GRIP1: variants seen among roughly 807,000 people sequenced by gnomAD.
The protein encoded by GRIP1 is glutamate receptor interacting protein 1.
Under a neutral mutation model 129.9 loss-of-function variants are expected in GRIP1, and 45 were observed. That is an observed-to-expected ratio of 0.35 (90% CI 0.27 to 0.44). The LOEUF is 0.44. Ranked by LOEUF, GRIP1 falls within the 20% of genes least tolerant of loss-of-function variation. The probability of loss-of-function intolerance (pLI) is 1.00; values close to 1 mark genes in which losing one functional copy is unlikely to be tolerated. For synonymous variants in GRIP1, 530 were observed against 520.8 expected (o/e 1.02, Z -0.24); for missense variants, 1,196 against 1,396.8 (o/e 0.86, Z 2.29).
intron 1 of GRIP1, among the ~76,000 whole-genome samples, chr12:67,000,252 A>C (rs1390272566): frequency 6.6e-6 from 1 of 151,972 alleles, no homozygotes; most frequent in Non-Finnish European, 1.5e-5. Context: ...GTTCAATCTA[A>C]TAGGGCCATA....
chr12:66,948,394 C>T (rs538154772), intron 1 of GRIP1, among the ~76,000 whole-genome samples: 6 of 152,192 alleles, frequency 3.9e-5, no homozygotes, highest in Admixed American at 6.5e-5. Flanking sequence ...GAATTCTTGA[C>T]ATGGAAATTT....
At chr12:66,625,190 T>A (rs1209902709) in intron 1 of GRIP1, among the ~76,000 whole-genome samples, 1 of 152,158 alleles carries the variant, frequency 6.6e-6, no homozygotes, top group Non-Finnish European at 1.5e-5. Flanking sequence ...TGCCATGTTA[T>A]TTAAGTTGCA....
At chr12:66,612,535 G>A (rs960175131) in intron 1 of GRIP1, among the ~76,000 whole-genome samples, 4 of 152,126 alleles carry the variant, frequency 2.6e-5, no homozygotes, top group African/African-American at 4.8e-5. Flanking sequence ...TACTTGGGAA[G>A]CTGTGGTGGG....
At chr12:66,414,404 T>C (rs1214928085) in intron 15 of GRIP1, among the ~76,000 whole-genome samples, 1 of 152,078 alleles carries the variant, frequency 6.6e-6, no homozygotes, top group Non-Finnish European at 1.5e-5. Context: ...GAAGGACCTC[T>C]TCATGGAGAA....
At chr12:66,895,612 T>C (rs1000939181) in intron 1 of GRIP1, among the ~76,000 whole-genome samples, 9 of 152,134 alleles carry the variant, frequency 5.9e-5, no homozygotes, top group Non-Finnish European at 1.3e-4. Context: ...TAATGTTCTC[T>C]ACTGGGCACC....
At chr12:67,022,648 A>G (rs1412475022) in intron 1 of GRIP1, among the ~76,000 whole-genome samples, 1 of 152,206 alleles carries the variant, frequency 6.6e-6, no homozygotes, top group Non-Finnish European at 1.5e-5. Flanking sequence ...TTGTATAGGT[A>G]GCTCATTGTG....
intron 1 of GRIP1, among the ~76,000 whole-genome samples, chr12:66,736,790 T>C (rs1240779910): frequency 6.6e-6 from 1 of 152,170 alleles, no homozygotes; most frequent in Non-Finnish European, 1.5e-5. Flanking sequence ...AGAATTTCAC[T>C]AGGTAGATAA....
intron 7 of GRIP1, among the ~76,000 whole-genome samples, chr12:66,479,495 A>G (rs577743442): frequency 6.6e-6 from 1 of 152,320 alleles, no homozygotes; most frequent in African/African-American, 2.4e-5. Flanking sequence ...ACAGGTACAA[A>G]GAGGAGCTGG....
chr12:66,467,491 A>G (rs540031803), intron 7 of GRIP1, among the ~76,000 whole-genome samples: 1 of 152,292 alleles, frequency 6.6e-6, no homozygotes, highest in East Asian at 1.9e-4. Context: ...AGTGGGCCCC[A>G]TGGCTATGTG....
At chr12:66,983,471 A>T (rs1323224822) in intron 1 of GRIP1, among the ~76,000 whole-genome samples, 1 of 152,168 alleles carries the variant, frequency 6.6e-6, no homozygotes. Flanking sequence ...ATGTTTAAGT[A>T]ATTTTAACTC....
intron 1 of GRIP1, among the ~76,000 whole-genome samples, chr12:66,838,070 C>T (rs1343410773): frequency 6.6e-6 from 1 of 151,914 alleles, no homozygotes; most frequent in Non-Finnish European, 1.5e-5. Flanking sequence ...CCTGTAATCC[C>T]AGCTACTCCA....
At chr12:66,617,353 G>A (rs1309803432) in intron 1 of GRIP1, among the ~76,000 whole-genome samples, 2 of 149,702 alleles carry the variant, frequency 1.3e-5, no homozygotes, top group African/African-American at 2.5e-5. Context: ...GTCTTCTTTA[G>A]TGACATTATC....
chr12:66,441,842 T>C (rs1272321324), intron 13 of GRIP1, among the ~76,000 whole-genome samples: 1 of 152,182 alleles, frequency 6.6e-6, no homozygotes, highest in Non-Finnish European at 1.5e-5. Flanking sequence ...GCTAAAGACA[T>C]CACTGTCTAC....
chr12:66,493,501 G>C lies in GRIP1; in HGVS notation c.724+22118C>G, dbSNP rs149170557. Among the ~76,000 whole-genome samples the C allele has an allele frequency of 7.6e-3, 1,153 of 152,134 alleles. 17 individuals carry two copies. Among genetic ancestry groups the C allele is most frequent in the African/African-American group, 0.027 (1,106 of 41,502 alleles). On this transcript the variant is annotated intron_variant, in intron 7 of 24. Transcript: ENST00000359742. ...TTTTGACTAGGTTTTAGACAGCAAG[G>C]GTATTTGAAAGTGATAAATAGCACT...
intron 1 of GRIP1, among the ~76,000 whole-genome samples, chr12:66,673,496 G>T: frequency 6.6e-6 from 1 of 152,126 alleles, no homozygotes; most frequent in African/African-American, 2.4e-5. Context: ...GTCATACAAG[G>T]CATAGCCAAA....
In GRIP1 at chr12:66,879,584, TAAAC is replaced by T. The variant is rs546508256; in HGVS notation, c.58+189462_58+189465del. Among the ~76,000 whole-genome samples, 15 of 151,910 alleles carry T rather than the reference TAAAC, an allele frequency of 9.9e-5. No homozygotes were observed. The South Asian group carries it at 3.1e-3, about 32-fold the overall frequency. ...GCACTCAGAATCGCCTCTCCAAAAA[TAAAC>T]AAAAGCTTCAGCTGGAGGAAGCTGA... On this transcript the variant is annotated intron_variant, in intron 1 of 1. Transcript: ENST00000643019.
intron 1 of GRIP1, among the ~76,000 whole-genome samples, chr12:66,800,113 AAAC>A (rs1305309166): frequency 8.5e-5 from 13 of 152,184 alleles, no homozygotes; most frequent in Non-Finnish European, 1.9e-4. Flanking sequence ...TAGAATAGGC[AAAC>A]AACAACAACA....
At chr12:66,891,832 G>A (rs948034008) in intron 1 of GRIP1, 3 of 152,188 alleles carry the variant, frequency 2.0e-5, no homozygotes, top group East Asian at 1.9e-4. Context: ...AAAGGAATTC[G>A]AAGCCTCTTA....
intron 1 of GRIP1, among the ~76,000 whole-genome samples, chr12:66,706,594 T>C (rs957364809): frequency 6.6e-6 from 1 of 152,032 alleles, no homozygotes; most frequent in African/African-American, 2.4e-5. Flanking sequence ...CTATTTACAA[T>C]ACCAAAGACA....
Sources: allele counts gnomAD v4.1 joint callset (sites outside exome capture counted in the v4.1 genomes callset), GRCh38; gene constraint gnomAD v4.1.1; transcripts MANE v1.5; gene names NCBI Gene and HGNC (gene_info 2026-07-23, HGNC 2026-07-21).